ARHGAP12: variants seen among roughly 807,000 people sequenced by gnomAD.
The protein encoded by ARHGAP12 is rho GTPase-activating protein 12.
A neutral mutation model predicts 108.6 loss-of-function variants in ARHGAP12; 64 were observed. That is an observed-to-expected ratio of 0.59 (90% confidence interval 0.48 to 0.73). The LOEUF is 0.73. Ranked by LOEUF, ARHGAP12 falls within the 30% of genes least tolerant of loss-of-function variation. The probability of loss-of-function intolerance (pLI) is 0.00; values close to 1 mark genes in which losing one functional copy is unlikely to be tolerated. For synonymous variants in ARHGAP12, 312 were observed against 337.2 expected (o/e 0.93, Z 0.82); for missense variants, 940 against 1,005.9 (o/e 0.93, Z 0.89).
intron 6 of ARHGAP12, among the ~76,000 whole-genome samples, chr10:31,851,338 G>A (rs902459425): frequency 6.6e-6 from 1 of 152,192 alleles, no homozygotes; most frequent in Non-Finnish European, 1.5e-5. Context: ...ATCTGAAGAT[G>A]TGACAAGTTT....
At chr10:31,808,059 C>G (rs1834881942) in intron 19 of ARHGAP12, among the ~76,000 whole-genome samples, 1 of 152,112 alleles carries the variant, frequency 6.6e-6, no homozygotes. Context: ...CTCTAACAAA[C>G]TTAAAATGTG....
At chr10:31,855,347 T>G (rs530540978) in intron 4 of ARHGAP12, among the ~76,000 whole-genome samples, 1 of 152,296 alleles carries the variant, frequency 6.6e-6, no homozygotes, top group South Asian at 2.1e-4. Flanking sequence ...AGGTTAGCAC[T>G]CATGTGCAAA....
intron 3 of ARHGAP12, among the ~76,000 whole-genome samples, chr10:31,904,046 T>G (rs1839027458): frequency 6.6e-6 from 1 of 152,192 alleles, no homozygotes; most frequent in Non-Finnish European, 1.5e-5. Context: ...GTAAAAACAC[T>G]TGGGACTATT....
At chr10:31,838,978 T>C (rs1325829742) in intron 9 of ARHGAP12, among the ~76,000 whole-genome samples, 1 of 151,932 alleles carries the variant, frequency 6.6e-6, no homozygotes, top group Non-Finnish European at 1.5e-5. Context: ...ATGGTTCTAC[T>C]ACACTCCAGC....
chr10:31,876,508 CA>C (rs762862812), intron 3 of ARHGAP12, among the ~76,000 whole-genome samples: 31 of 115,102 alleles, frequency 2.7e-4, no homozygotes, highest in Non-Finnish European at 5.1e-4. Context: ...GACTCCATCT[CA>C]AAAAAAACAA....
At chr10:31,826,248 C>A in intron 11 of ARHGAP12, 56 bp downstream of exon 11, 1 of 1,386,548 alleles carries the variant, frequency 7.2e-7, no homozygotes. Context: ...AATTCAGGTA[C>A]GATACTATTC....
At chr10:31,902,422 T>A in intron 3 of ARHGAP12, among the ~76,000 whole-genome samples, 1 of 151,632 alleles carries the variant, frequency 6.6e-6, no homozygotes, top group Non-Finnish European at 1.5e-5. Context: ...ATGCCTATAA[T>A]CCCAATACAC....
At chr10:31,876,602 C>CAT (rs1328200377) in intron 3 of ARHGAP12, among the ~76,000 whole-genome samples, 4 of 149,154 alleles carry the variant, frequency 2.7e-5, no homozygotes, top group Non-Finnish European at 5.9e-5. Flanking sequence ...CAACATCTTA[C>CAT]ATATGCACTG....
intron 1 of ARHGAP12, among the ~76,000 whole-genome samples, chr10:31,928,174 G>GCGCGCA (rs149445215): frequency 9.4e-5 from 14 of 149,404 alleles, no homozygotes; most frequent in African/African-American, 3.2e-4. Context: ...GGCCTTTTGC[G>GCGCGCA]CACACACACA....
At chr10:31,909,331 A>C (rs1438705503) in intron 2 of ARHGAP12, among the ~76,000 whole-genome samples, 1 of 151,952 alleles carries the variant, frequency 6.6e-6, no homozygotes, top group Non-Finnish European at 1.5e-5. Context: ...TACCTCCTAG[A>C]ACACGGCATT....
At chr10:31,903,710 C>G (rs1839015490) in intron 3 of ARHGAP12, among the ~76,000 whole-genome samples, 1 of 150,744 alleles carries the variant, frequency 6.6e-6, no homozygotes, top group Non-Finnish European at 1.5e-5. Flanking sequence ...ATGTATTTGG[C>G]AAATGGCTAG....
intron 6 of ARHGAP12, among the ~76,000 whole-genome samples, chr10:31,847,795 AG>A (rs2132269581): frequency 6.6e-6 from 1 of 152,240 alleles, no homozygotes; most frequent in East Asian, 1.9e-4. Context: ...CTCTTTCAAT[AG>A]TGCTGGTTAG....
chr10:31,865,971 T>C (rs1348140152), intron 3 of ARHGAP12, among the ~76,000 whole-genome samples: 3 of 151,900 alleles, frequency 2.0e-5, no homozygotes, highest in East Asian at 1.9e-4. Context: ...AAGTGCAAGA[T>C]GAAATGAGAA....
At chr10:31,913,634 C>CAAAAA in intron 1 of ARHGAP12, 1 of 91,184 alleles carries the variant, frequency 1.1e-5, no homozygotes. Context: ...CCTGATGCTG[C>CAAAAA]AAAAAAAAAA....
chr10:31,860,998 T>C (rs1268817748), intron 4 of ARHGAP12, among the ~76,000 whole-genome samples: 2 of 152,202 alleles, frequency 1.3e-5, no homozygotes, highest in Admixed American at 1.3e-4. Context: ...GAGGCTACAG[T>C]GAGATATCAT....
At chr10:31,840,423 A>G (rs978606690) in intron 7 of ARHGAP12, among the ~76,000 whole-genome samples, 1 of 151,918 alleles carries the variant, frequency 6.6e-6, no homozygotes, top group Non-Finnish European at 1.5e-5. Flanking sequence ...ACAGATGTTG[A>G]TAGGACTATT....
At chr10:31,923,152 A>AAAAAAC (rs1554792908) in intron 1 of ARHGAP12, among the ~76,000 whole-genome samples, 5 of 150,230 alleles carry the variant, frequency 3.3e-5, no homozygotes, top group African/African-American at 1.0e-4. Flanking sequence ...AAAAAAAAAA[A>AAAAAAC]CAGGCAAAAT....
At chr10:31,872,857 C>G (rs1359674765) in intron 3 of ARHGAP12, among the ~76,000 whole-genome samples, 1 of 152,170 alleles carries the variant, frequency 6.6e-6, no homozygotes, top group Non-Finnish European at 1.5e-5. Context: ...CCAAAATTCC[C>G]ATACTACTCA....
chr10:31,903,124 G>T (rs1290907101), intron 3 of ARHGAP12, among the ~76,000 whole-genome samples: 2 of 152,186 alleles, frequency 1.3e-5, no homozygotes, highest in South Asian at 2.1e-4. Flanking sequence ...TCTGAGAAAT[G>T]TAACAGTCAA....
Sources: allele counts gnomAD v4.1 joint callset (sites outside exome capture counted in the v4.1 genomes callset), GRCh38; gene constraint gnomAD v4.1.1; transcripts MANE v1.5; gene names NCBI Gene and HGNC (gene_info 2026-07-23, HGNC 2026-07-21).